CPT1C: variants seen among roughly 807,000 people sequenced by gnomAD.
CPT1C encodes the protein carnitine palmitoyltransferase 1C.
In CPT1C, 61 loss-of-function variants were observed where a neutral mutation model predicts 97.3. That is an observed-to-expected ratio of 0.63 (90% CI 0.51 to 0.78). The LOEUF (loss-of-function observed/expected upper bound fraction) is 0.78, where lower values mean the gene tolerates loss of function less well. CPT1C is among the 30% of genes least tolerant of loss of function. The pLI, the probability that CPT1C is intolerant of heterozygous loss-of-function variation, is 0.00. For synonymous variants in CPT1C, 469 were observed against 447.2 expected, an observed-to-expected ratio of 1.05 and a Z score of -0.61; for missense variants, 975 against 1,065.5, an observed-to-expected ratio of 0.92 and a Z score of 1.18.
At chr19:49,696,020 G>A (rs1310406019) in intron 3 of CPT1C, among the ~76,000 whole-genome samples, 1 of 151,954 alleles carries the variant, frequency 6.6e-6, no homozygotes, top group Non-Finnish European at 1.5e-5. Flanking sequence ...GGGATTATAG[G>A]TTCCCACCAC....
intron 3 of CPT1C, among the ~76,000 whole-genome samples, chr19:49,695,037 A>T (rs2082584437): frequency 6.6e-6 from 1 of 151,754 alleles, no homozygotes; most frequent in Non-Finnish European, 1.5e-5. Flanking sequence ...GCTACTTGGG[A>T]GGCTGAGGCA....
intron 4 of CPT1C, 59 bp downstream of exon 4, chr19:49,697,524 T>C (rs1395058372): frequency 3.8e-6 from 6 of 1,573,270 alleles, no homozygotes; most frequent in Admixed American, 1.9e-5. Flanking sequence ...ACCCAGTAAG[T>C]TCCTCTGTCA....
intron 13 of CPT1C, among the ~76,000 whole-genome samples, chr19:49,708,388 G>C (rs2083640629): frequency 6.6e-6 from 1 of 152,106 alleles, no homozygotes. Context: ...TGTGGCCCCA[G>C]CTACTCCGGA....
At chr19:49,711,755 C>A in intron 16 of CPT1C, 54 bp from the exon 17 acceptor site, 1 of 1,553,374 alleles carries the variant, frequency 6.4e-7, no homozygotes, top group Non-Finnish European at 8.7e-7. Context: ...GCAGGCCCAG[C>A]CCTAAGTCGA....
chr19:49,702,122 T>TTATAAATTATAAATAAATATATATTTATC (rs2083194014), intron 7 of CPT1C, among the ~76,000 whole-genome samples: 3 of 104,346 alleles, frequency 2.9e-5, no homozygotes, highest in Admixed American at 1.2e-4. Context: ...ATTTATTTAT[T>TTATAAATTATAAATAAATATATATTTATC]TATAAATTAT....
At position 49,692,469 on chromosome 19, in the gene CPT1C, G is replaced by T. The variant is rs891323730; in HGVS notation, c.141+76G>T. 17 of 1,551,876 alleles carry T rather than the reference G, an allele frequency of 1.1e-5. No individual in the cohort carries two copies. The Admixed American group carries it at 3.1e-4, about 28-fold the overall frequency. ...CCGGGATGTCTGAGGCTCACTTCCG[G>T]CATTTCAGCTGGTTCATTTCTGGGA... is the stretch of plus-strand genomic sequence containing the variant. On this transcript the variant is annotated intron_variant, in intron 3 of 19. Transcript: ENST00000598293.
At chr19:49,702,171 T>A (rs865785400) in intron 7 of CPT1C, among the ~76,000 whole-genome samples, 17 of 128,894 alleles carry the variant, frequency 1.3e-4, no homozygotes, top group African/African-American at 4.5e-4. Context: ...TAAATAAATA[T>A]ATATTTATTT....
Position 49,701,666 on chromosome 19 carries a change from C to T in CPT1C, c.693+32C>T, listed in dbSNP as rs777930641. 3.8e-6 allele frequency: 6 copies of T among 1,574,656 alleles called. No homozygotes were observed. In the Admixed American group the frequency reaches 1.0e-4, roughly 27 times the overall value. On this transcript the variant is annotated intron_variant, in intron 7 of 19. Transcript: ENST00000598293. ...CCCGCCACCGCCACCAACGCCCCAC[C>T]TGAAGGGCTAAGGTTGTGAGCTCGC...
intron 3 of CPT1C, among the ~76,000 whole-genome samples, chr19:49,694,087 A>AAAAT (rs143173653): frequency 0.024 from 2,558 of 107,484 alleles, 32 homozygotes; most frequent in South Asian, 0.044. Context: ...AATAAAATAA[A>AAAAT]AAATAAATAA....
In CPT1C at chr19:49,692,314, T is replaced by A; in HGVS notation, c.62T>A (p.Val21Glu). The A allele has an allele frequency of 6.2e-7, 1 of 1,614,146 alleles. No individual in the cohort carries two copies. Among genetic ancestry groups the A allele is most frequent in the Admixed American group, 1.7e-5 (1 of 60,012 alleles). ...RPSLTSDGAE[V>E]ELSAPVLQEI... ...TCGCTGACCTCGGACGGGGCTGAAG[T>A]GGAACTCAGTGCCCCTGTGCTGCAG... is the stretch of plus-strand genomic sequence containing the variant. The change falls in exon 3 of 20, where the codon GTG becomes GAG. Residue 21 changes from valine (V) to glutamate (E), a missense_variant. This residue lies in a region of CPT1C where 596 missense variants were observed against 603.1 expected (regional missense o/e 0.99). Coordinates refer to ENST00000598293, the MANE Select transcript of CPT1C (RefSeq NM_001199753.2).
intron 16 of CPT1C, 114 bp downstream of exon 16, chr19:49,710,971 G>T: frequency 8.9e-7 from 1 of 1,124,908 alleles, no homozygotes. Context: ...AAGGGACAAG[G>T]GATGAATCGG....
Position 49,704,633 on chromosome 19 carries a change from G to A in CPT1C, c.694-77G>A, listed in dbSNP as rs908672676. ...CTCCCTGCCTGACGCAGGAGCATCT[G>A]GGGCCTTCCCTGTCCTACTGTCCCT... On this transcript the variant is annotated intron_variant, in intron 7 of 19. Coordinates refer to ENST00000598293, the MANE Select transcript of CPT1C (RefSeq NM_001199753.2). 2.6e-6 allele frequency: 3 copies of A among 1,136,838 alleles called. No individual in the cohort carries two copies. In the African/African-American group the frequency reaches 4.6e-5, roughly 17 times the overall value. The allele number at this position is 1,136,838 out of a possible 1,614,324, so 70.4% of individuals were successfully genotyped here. A position where few individuals can be genotyped will look rare whatever the true frequency, so the allele number is the denominator to read the frequency against.
Position 49,701,643 on chromosome 19 carries a change from C to T in CPT1C, c.693+9C>T, listed in dbSNP as rs561750181. 1.3e-5 allele frequency: 21 copies of T among 1,586,316 alleles called. No homozygotes were observed. The South Asian group carries it at 1.9e-4, about 14-fold the overall frequency. ...GGTGGGCGTCCAATTATGTGAGTCC[C>T]GCCACCGCCACCAACGCCCCACCTG... On this transcript the variant is annotated intron_variant, in intron 7 of 19. Coordinates refer to ENST00000598293, the MANE Select transcript of CPT1C (RefSeq NM_001199753.2).
intron 8 of CPT1C, 70 bp downstream of exon 8, chr19:49,704,857 C>T (rs530654897): frequency 7.4e-6 from 11 of 1,490,288 alleles, no homozygotes; most frequent in South Asian, 2.3e-5. Flanking sequence ...CGGAATGTGA[C>T]GGTCATGCTC....
At chr19:49,703,354 T>C (rs1232224961) in intron 7 of CPT1C, among the ~76,000 whole-genome samples, 1 of 150,768 alleles carries the variant, frequency 6.6e-6, no homozygotes, top group Non-Finnish European at 1.5e-5. Context: ...TAATTTCTTT[T>C]TTTTTTTTTT....
Position 49,707,000 on chromosome 19 carries a change from C to T in CPT1C, c.1344-518C>T, listed in dbSNP as rs183173034. ...AAAAATCTCCAAACTCCAGACTGGG[C>T]ATGGTGGCTCATGCCTGTAGTCTCA... On this transcript the variant is annotated intron_variant, in intron 12 of 19. Coordinates refer to ENST00000598293, the MANE Select transcript of CPT1C (RefSeq NM_001199753.2). This position sits in a 1 kb window ranked among gnomAD's most constrained non-coding sequence, Gnocchi z 4.8. Among the ~76,000 whole-genome samples the T allele has an allele frequency of 6.6e-6, 1 of 152,290 alleles. No individual in the cohort carries two copies. Among genetic ancestry groups the T allele is most frequent in the South Asian group, 2.1e-4 (1 of 4,826 alleles).
chr19:49,706,437 C>T lies in CPT1C; in HGVS notation c.1343+24C>T. ...CGGTGAGTGAGTCTTGGGATGGGGC[C>T]CCCAGATGTGGCACCCGAGAATCCA... On this transcript the variant is annotated intron_variant, in intron 12 of 19. Coordinates refer to ENST00000598293, the MANE Select transcript of CPT1C (RefSeq NM_001199753.2). This position sits in a 1 kb window ranked among gnomAD's most constrained non-coding sequence, Gnocchi z 4.8. The T allele has an allele frequency of 6.9e-7, 1 of 1,441,010 alleles. No individual in the cohort carries two copies. The highest frequency in any genetic ancestry group is 9.1e-7 in the Non-Finnish European group (1 of 1,104,800). The allele number at this position is 1,441,010 out of a possible 1,614,324, so 89.3% of individuals were successfully genotyped here.
intron 7 of CPT1C, among the ~76,000 whole-genome samples, chr19:49,701,931 A>AT (rs2083106861): frequency 2.6e-5 from 2 of 76,772 alleles, no homozygotes; most frequent in South Asian, 6.0e-4. Flanking sequence ...TACAAATATT[A>AT]ATATTTATAA....
At chr19:49,701,856 T>C (rs1469671546) in intron 7 of CPT1C, among the ~76,000 whole-genome samples, 1 of 125,314 alleles carries the variant, frequency 8.0e-6, no homozygotes. Context: ...TTTATTTATA[T>C]ATAAATATAT....
Sources: allele counts gnomAD v4.1 joint callset (sites outside exome capture counted in the v4.1 genomes callset), GRCh38; gene constraint gnomAD v4.1.1; regional missense constraint gnomAD v4.1.1; non-coding constraint Gnocchi (gnomAD v3.1); transcripts MANE v1.5; gene names NCBI Gene and HGNC (gene_info 2026-07-23, HGNC 2026-07-21).